The following PRKG1 variants were observed in gnomAD, a reference collection of about 807,000 sequenced individuals.
PRKG1 encodes the protein cGMP-dependent protein kinase 1.
A neutral mutation model predicts 88.1 loss-of-function variants in PRKG1; 35 were observed. The observed-to-expected ratio is 0.40, with a 90% CI of 0.30 to 0.53. The LOEUF (loss-of-function observed/expected upper bound fraction) is 0.53. Ranked by LOEUF, PRKG1 falls within the 20% of genes least tolerant of loss-of-function variation. The pLI is 0.59. For synonymous variants in PRKG1, 303 were observed against 292.5 expected (o/e 1.04, Z -0.37); for missense variants, 540 against 839.8 (o/e 0.64, Z 4.41).
intron 7 of PRKG1, among the ~76,000 whole-genome samples, chr10:52,094,495 A>G (rs10508969): frequency 0.096 from 14,662 of 152,152 alleles, 1,040 homozygotes; most frequent in East Asian, 0.35. Flanking sequence ...ACCACCGTTC[A>G]TATATTTAAA....
At chr10:51,221,387 T>A (rs567877366) in intron 2 of PRKG1, among the ~76,000 whole-genome samples, 6 of 152,206 alleles carry the variant, frequency 3.9e-5, no homozygotes, top group African/African-American at 1.4e-4. Context: ...GATATCAAAA[T>A]ATATATATTT....
At chr10:51,106,218 A>G (rs1160471907) in intron 1 of PRKG1, among the ~76,000 whole-genome samples, 1 of 152,236 alleles carries the variant, frequency 6.6e-6, no homozygotes, top group Non-Finnish European at 1.5e-5. Context: ...TACACCTCAC[A>G]GGATTATTGC....
Position 52,062,562 on chromosome 10 carries a change from C to G in PRKG1, c.866C>G (p.Pro289Arg), listed in dbSNP as rs549568221. Residue 289 changes from proline (P) to arginine (R), a missense_variant, in exon 7 of 18, where the codon CCG (proline) becomes CGG (arginine). By Grantham distance (103) the Pro-to-Arg change is moderately radical. This residue lies in a region of PRKG1 where 400 missense variants were observed against 562.7 expected (regional missense o/e 0.71). Coordinates refer to ENST00000373980, the MANE Select transcript of PRKG1 (RefSeq NM_006258.4). ...GTVNVTREDS[P>R]SEDPVFLRTL... is the part of the protein sequence containing the mutation. ...GTAAATGTCACTCGTGAAGACTCAC[C>G]GAGTGAAGACCCAGTCTTTCTTAGA... is the stretch of plus-strand genomic sequence containing the variant. The G allele has an allele frequency of 1.9e-6, 3 of 1,603,734 alleles. No homozygotes were observed. The South Asian group carries it at 3.4e-5, about 18-fold the overall frequency.
intron 3 of PRKG1, among the ~76,000 whole-genome samples, chr10:51,753,928 T>C (rs1320999319): frequency 6.6e-6 from 1 of 152,280 alleles, no homozygotes; most frequent in East Asian, 1.9e-4. Flanking sequence ...TTTGCTCTTT[T>C]GTCTTTGATC....
intron 4 of PRKG1, among the ~76,000 whole-genome samples, chr10:51,830,443 C>T (rs1015841168): frequency 2.0e-5 from 3 of 151,720 alleles, no homozygotes; most frequent in Admixed American, 6.6e-5. Flanking sequence ...CATACATACA[C>T]ATTCACTAAT....
intron 3 of PRKG1, among the ~76,000 whole-genome samples, chr10:51,564,373 TG>T (rs1472345511): frequency 6.6e-6 from 1 of 152,066 alleles, no homozygotes; most frequent in African/African-American, 2.4e-5. Context: ...GCCTAGAGTT[TG>T]GGGGCAGTGG....
chr10:51,430,141 C>A (rs183064552), intron 2 of PRKG1, among the ~76,000 whole-genome samples: 2 of 148,468 alleles, frequency 1.3e-5, no homozygotes, highest in African/African-American at 2.5e-5. Flanking sequence ...AAAAGCCAGG[C>A]GTGGTGGCTC....
rs141235814 is a variant in PRKG1, at chr10:52,090,048, C to T, written c.935+27417C>T. Among the ~76,000 whole-genome samples, 166 of 152,074 alleles carry T rather than the reference C, an allele frequency of 1.1e-3. 3 individuals carry two copies. The East Asian group carries it at 0.028, about 25-fold the overall frequency. On this transcript the variant is annotated intron_variant, in intron 7 of 17. Transcript: ENST00000373980. ...CAGGATGGTCTCGATCTCTTGACCTCGTGATCCACCTGCCTTGCCCTCTCA... is the reference window on the plus strand; with the variant it reads ...CAGGATGGTCTCGATCTCTTGACCTTGTGATCCACCTGCCTTGCCCTCTCA...
chr10:51,983,547 G>T (rs1048213553), intron 5 of PRKG1, among the ~76,000 whole-genome samples: 2 of 152,154 alleles, frequency 1.3e-5, no homozygotes, highest in Non-Finnish European at 1.5e-5. Context: ...CATCTGATGG[G>T]CAAGAACCAC....
chr10:51,067,590 A>C (rs1264416973), intron 1 of PRKG1, among the ~76,000 whole-genome samples: 1 of 152,040 alleles, frequency 6.6e-6, no homozygotes, highest in Non-Finnish European at 1.5e-5. Context: ...ATGATTTTCT[A>C]AAGAAACTAG....
intron 2 of PRKG1, among the ~76,000 whole-genome samples, chr10:51,349,657 C>A (rs1842197807): frequency 6.6e-6 from 1 of 152,026 alleles, no homozygotes; most frequent in Non-Finnish European, 1.5e-5. Context: ...CAGGCATGCA[C>A]CACCACGCCC....
At chr10:52,046,264 T>C (rs1845860498) in intron 5 of PRKG1, among the ~76,000 whole-genome samples, 1 of 152,138 alleles carries the variant, frequency 6.6e-6, no homozygotes, top group Admixed American at 6.6e-5. Flanking sequence ...TCAGTCACTC[T>C]GACCTTCTTT....
At chr10:51,565,970 A>G (rs1183200629) in intron 3 of PRKG1, among the ~76,000 whole-genome samples, 3 of 152,228 alleles carry the variant, frequency 2.0e-5, no homozygotes, top group East Asian at 1.9e-4. Context: ...GCAATGGGAA[A>G]TTAAAGAAGA....
At chr10:51,513,289 G>A (rs1171322412) in intron 3 of PRKG1, among the ~76,000 whole-genome samples, 1 of 144,910 alleles carries the variant, frequency 6.9e-6, no homozygotes, top group East Asian at 2.1e-4. Flanking sequence ...TCAACAAGAG[G>A]AGCTAACTAT....
chr10:51,163,269 A>G (rs1204212432), intron 2 of PRKG1, among the ~76,000 whole-genome samples: 1 of 152,244 alleles, frequency 6.6e-6, no homozygotes, highest in Non-Finnish European at 1.5e-5. Flanking sequence ...TACTCTGTAC[A>G]CTGTTCAATT....
chr10:52,285,998 A>C (rs2132455316), intron 14 of PRKG1, among the ~76,000 whole-genome samples: 1 of 152,232 alleles, frequency 6.6e-6, no homozygotes, highest in Non-Finnish European at 1.5e-5. Flanking sequence ...AATATTACAA[A>C]CAGGAGAAAA....
At chr10:51,265,355 G>C (rs1308683618) in intron 2 of PRKG1, among the ~76,000 whole-genome samples, 1 of 152,024 alleles carries the variant, frequency 6.6e-6, no homozygotes, top group Non-Finnish European at 1.5e-5. Context: ...ATTTCAGAGA[G>C]ACAACAAATA....
At chr10:51,035,712 A>G (rs1843344395) in intron 1 of PRKG1, among the ~76,000 whole-genome samples, 1 of 152,212 alleles carries the variant, frequency 6.6e-6, no homozygotes, top group Non-Finnish European at 1.5e-5. Context: ...TACCTTTACT[A>G]AATTATAAAC....
At chr10:51,393,141 A>G (rs1382372459) in intron 2 of PRKG1, among the ~76,000 whole-genome samples, 1 of 123,774 alleles carries the variant, frequency 8.1e-6, no homozygotes, top group Non-Finnish European at 1.7e-5. Flanking sequence ...CACTTCTCAG[A>G]CGGGGCGGCC....
Sources: allele counts gnomAD v4.1 joint callset (sites outside exome capture counted in the v4.1 genomes callset), GRCh38; gene constraint gnomAD v4.1.1; regional missense constraint gnomAD v4.1.1; transcripts MANE v1.5; gene names NCBI Gene and HGNC (gene_info 2026-07-23, HGNC 2026-07-21).